The following C16orf74 variants were observed in gnomAD, a reference collection of about 807,000 sequenced individuals.
C16orf74 encodes uncharacterized protein C16orf74.
A neutral mutation model predicts 6.5 loss-of-function variants in C16orf74; 10 were observed. The ratio of observed to expected loss-of-function variants is 1.54; its 90% CI spans 0.95 to 2.61. C16orf74 has a LOEUF of 2.61. C16orf74 is among the 30% of genes most tolerant of loss of function. The pLI, the probability that C16orf74 is intolerant of heterozygous loss-of-function variation, is 0.00. For missense variants in C16orf74, 141 were observed against 105.9 expected, an observed-to-expected ratio of 1.33 and a Z score of -1.45; for synonymous variants, 60 against 42.5, an observed-to-expected ratio of 1.41 and a Z score of -1.60.
Position 85,710,210 on chromosome 16 carries a change from G to A in C16orf74, c.126C>T (p.Pro42=). The A allele has an allele frequency of 6.7e-7, 1 of 1,498,624 alleles. No individual in the cohort carries two copies. The highest frequency in any genetic ancestry group is 8.8e-7 in the Non-Finnish European group (1 of 1,135,686). The allele number at this position is 1,498,624 out of a possible 1,614,324, so 92.8% of individuals were successfully genotyped here. A position where few individuals can be genotyped will look rare whatever the true frequency, so the allele number is the denominator to read the frequency against. The part of the protein sequence containing the change: ...HLDVPDIIIT[P]PTPTGMMLPR... ...GCAGCATCATGCCCGTGGGGGTGGGGGGCGTGATGATGATGTCGGGCACGT... is the reference window on the plus strand; with the variant it reads ...GCAGCATCATGCCCGTGGGGGTGGGAGGCGTGATGATGATGTCGGGCACGT... The change falls in exon 3 of 4, where the codon CCC becomes CCT. Residue 42 remains proline (P), a synonymous_variant. Transcript: ENST00000284245.
At chr16:85,749,167 A>G (rs1022279946) in intron 1 of C16orf74, among the ~76,000 whole-genome samples, 8 of 152,098 alleles carry the variant, frequency 5.3e-5, no homozygotes, top group African/African-American at 1.9e-4. Flanking sequence ...TGCAGGTAAG[A>G]GCAATTCAGT....
At position 85,731,001 on chromosome 16, in the gene C16orf74, G is replaced by T. The variant is rs553141108; in HGVS notation, c.28+4189C>A. Among the ~76,000 whole-genome samples the T allele has an allele frequency of 2.6e-5, 4 of 152,290 alleles. No homozygotes were observed. The East Asian group carries it at 7.7e-4, about 29-fold the overall frequency. ...AAACATATTAAAAGTAATCGTACCCGTTTCTTTGTACCTTATTCATGGGAC... is the reference window on the plus strand; with the variant it reads ...AAACATATTAAAAGTAATCGTACCCTTTTCTTTGTACCTTATTCATGGGAC... On this transcript the variant is annotated intron_variant, in intron 2 of 3. Transcript: ENST00000284245.
At chr16:85,717,729 G>A (rs2054038975) in intron 2 of C16orf74, among the ~76,000 whole-genome samples, 1 of 152,234 alleles carries the variant, frequency 6.6e-6, no homozygotes, top group Admixed American at 6.5e-5. Context: ...CTAGGATCAC[G>A]CCCATGCTAC....
At chr16:85,712,079 C>G (rs183238967) in intron 2 of C16orf74, among the ~76,000 whole-genome samples, 1 of 152,198 alleles carries the variant, frequency 6.6e-6, no homozygotes, top group Non-Finnish European at 1.5e-5. Flanking sequence ...GGGAAGCCAG[C>G]CACCATGTTA....
At position 85,735,595 on chromosome 16, in the gene C16orf74, C is replaced by T. The variant is rs200264654; in HGVS notation, c.-18-360G>A. Reference sequence around the variant, plus strand: ...GCCTTTCCTTTCAAGAGCCACAGGACGGCCGCAGCTGCAGAGATGTGAAGA... The same window carrying T: ...GCCTTTCCTTTCAAGAGCCACAGGATGGCCGCAGCTGCAGAGATGTGAAGA... On this transcript the variant is annotated intron_variant, in intron 1 of 3. Coordinates refer to ENST00000284245, the MANE Select transcript of C16orf74 (RefSeq NM_206967.3). Among the ~76,000 whole-genome samples the T allele has an allele frequency of 2.4e-4, 37 of 152,266 alleles. No homozygotes were observed. The East Asian group carries it at 5.4e-3, about 22-fold the overall frequency.
intron 1 of C16orf74, among the ~76,000 whole-genome samples, chr16:85,746,126 G>C (rs1189636627): frequency 1.3e-5 from 2 of 152,132 alleles, no homozygotes; most frequent in Admixed American, 1.3e-4. Flanking sequence ...GCGGCAGGCA[G>C]ATCACTTGAG....
intron 2 of C16orf74, among the ~76,000 whole-genome samples, chr16:85,716,000 GA>G (rs1222202305): frequency 7.0e-6 from 1 of 143,862 alleles, no homozygotes; most frequent in East Asian, 1.9e-4. Context: ...CCGACAAAAG[GA>G]ATCGCTGATG....
intron 2 of C16orf74, among the ~76,000 whole-genome samples, chr16:85,714,532 G>C (rs2054002574): frequency 6.6e-6 from 1 of 151,848 alleles, no homozygotes; most frequent in African/African-American, 2.4e-5. Context: ...CGATTCTTCT[G>C]CCTCAGCCTC....
At chr16:85,749,060 T>C in intron 1 of C16orf74, among the ~76,000 whole-genome samples, 1 of 150,992 alleles carries the variant, frequency 6.6e-6, no homozygotes, top group Non-Finnish European at 1.5e-5. Flanking sequence ...GGATCACAGG[T>C]GTGAGCCACT....
chr16:85,713,919 T>A (rs899720739), intron 2 of C16orf74, among the ~76,000 whole-genome samples: 1 of 152,174 alleles, frequency 6.6e-6, no homozygotes, highest in African/African-American at 2.4e-5. Context: ...GTCTTCCCTT[T>A]GGTCTTAACC....
chr16:85,710,120 C>T, intron 3 of C16orf74, 44 bp downstream of exon 3: 2 of 1,366,076 alleles, frequency 1.5e-6, no homozygotes, highest in African/African-American at 1.5e-5. Flanking sequence ...CTCCACCGGG[C>T]CCCCACAGCC....
At chr16:85,749,798 C>A (rs1459933638) in intron 1 of C16orf74, among the ~76,000 whole-genome samples, 4 of 152,228 alleles carry the variant, frequency 2.6e-5, no homozygotes, top group Admixed American at 6.5e-5. Flanking sequence ...CTACGTGGGT[C>A]TGGGGTGCAC....
At chr16:85,711,082 G>A (rs2053964679) in intron 2 of C16orf74, among the ~76,000 whole-genome samples, 1 of 151,960 alleles carries the variant, frequency 6.6e-6, no homozygotes, top group Non-Finnish European at 1.5e-5. Context: ...CGGAGGCCAA[G>A]GCGGGCAGAT....
chr16:85,739,554 A>C (rs1171555791), intron 1 of C16orf74, among the ~76,000 whole-genome samples: 2 of 152,190 alleles, frequency 1.3e-5, no homozygotes, highest in Non-Finnish European at 2.9e-5. Context: ...TGAGACTGGG[A>C]GATAGGAGAG....
intron 2 of C16orf74, among the ~76,000 whole-genome samples, chr16:85,725,429 A>T (rs567265): frequency 1.3e-5 from 2 of 152,046 alleles, no homozygotes; most frequent in South Asian, 2.1e-4. Flanking sequence ...ATCACCTAGG[A>T]GGCCTCCTAG....
In C16orf74 at chr16:85,707,962, C is replaced by T. The variant is rs375000202; in HGVS notation, c.*46G>A. On this transcript the variant is annotated 3_prime_UTR_variant, in exon 4 of 4. Transcript: ENST00000284245. ...AGCCACGCCCCCGGACACCTGAAGC[C>T]GGGCCGCTGGAGCAGGAGCCAGCCA... 28 of 1,526,780 alleles carry T rather than the reference C, an allele frequency of 1.8e-5. No homozygotes were observed. The South Asian group carries it at 1.9e-4, about 10-fold the overall frequency. 94.6% of individuals were successfully genotyped at this position (1,526,780 alleles called of 1,614,324 possible).
At chr16:85,723,735 G>A (rs980486286) in intron 2 of C16orf74, among the ~76,000 whole-genome samples, 12 of 152,338 alleles carry the variant, frequency 7.9e-5, no homozygotes, top group Non-Finnish European at 1.0e-4. Context: ...GTGGTGGGGC[G>A]TGCACGTAGC....
At chr16:85,742,016 G>A (rs2054314095) in intron 1 of C16orf74, among the ~76,000 whole-genome samples, 2 of 152,190 alleles carry the variant, frequency 1.3e-5, no homozygotes, top group African/African-American at 4.8e-5. Flanking sequence ...CTTGCTTGGT[G>A]CCGTCCTCAC....
intron 2 of C16orf74, among the ~76,000 whole-genome samples, chr16:85,724,838 G>A (rs891307607): frequency 4.4e-4 from 67 of 152,308 alleles, no homozygotes; most frequent in African/African-American, 1.6e-3. Flanking sequence ...GGGCTACAGG[G>A]ATCAAAAAGA....
Sources: allele counts gnomAD v4.1 joint callset (sites outside exome capture counted in the v4.1 genomes callset), GRCh38; gene constraint gnomAD v4.1.1; transcripts MANE v1.5; gene names NCBI Gene and HGNC (gene_info 2026-07-23, HGNC 2026-07-21).